The following MEF2C variants were observed in gnomAD, a reference collection of about 807,000 sequenced individuals.
The protein encoded by MEF2C is myocyte enhancer factor 2C.
MEF2C carries 6 observed loss-of-function variants against 50.5 expected under a neutral mutation model. The observed-to-expected ratio is 0.12, with a 90% CI of 0.07 to 0.23. The LOEUF is 0.23. Among genes scored for constraint, MEF2C ranks in the 10% least tolerant of loss-of-function variants. MEF2C has a pLI of 1.00. For synonymous variants in MEF2C, 183 were observed against 228.0 expected (o/e 0.80, Z 1.78); for missense variants, 276 against 605.0 (o/e 0.46, Z 5.70).
At chr5:88,870,125 A>G (rs1167783928) in intron 1 of MEF2C, among the ~76,000 whole-genome samples, 2 of 152,030 alleles carry the variant, frequency 1.3e-5, no homozygotes, top group Non-Finnish European at 2.9e-5. Flanking sequence ...GAAATTTAAT[A>G]ATTTTATCTA....
upstream of MEF2C, chr5:88,888,113 T>C (rs998314538): frequency 4.6e-5 from 7 of 152,260 alleles, no homozygotes; most frequent in African/African-American, 1.7e-4. Context: ...TAAAATACTT[T>C]GGGATTAGTG....
In MEF2C at chr5:88,720,469, T is replaced by C. The variant is rs1395873405; in HGVS notation, c.*2135A>G. The C allele has an allele frequency of 1.3e-5, 2 of 152,488 alleles. No homozygotes were observed. The highest frequency in any genetic ancestry group is 4.8e-5 in the African/African-American group (2 of 41,412). The allele number at this position is 152,488 out of a possible 1,614,324, so 9.4% of individuals were successfully genotyped here. A position where few individuals can be genotyped will look rare whatever the true frequency, so the allele number is the denominator to read the frequency against. On this transcript the variant is annotated 3_prime_UTR_variant, in exon 11 of 11. Transcript: ENST00000504921. ...GAAAAATATAGCCTAGTTAATAAGG[T>C]CTCTTGGCTTCTGCCACCCAGCGGC...
intron 1 of MEF2C, among the ~76,000 whole-genome samples, chr5:88,865,012 C>T (rs745780591): frequency 6.6e-5 from 10 of 151,950 alleles, no homozygotes; most frequent in Non-Finnish European, 1.2e-4. Context: ...AGATGATCCA[C>T]CTGCCTCCGA....
At chr5:88,778,689 G>A (rs1226514912) in intron 3 of MEF2C, among the ~76,000 whole-genome samples, 1 of 151,996 alleles carries the variant, frequency 6.6e-6, no homozygotes, top group Non-Finnish European at 1.5e-5. Context: ...TTACTTTATA[G>A]GCCAGATGAG....
chr5:88,884,181 C>T (rs878918748), upstream of MEF2C: 2 of 152,240 alleles, frequency 1.3e-5, no homozygotes, highest in South Asian at 4.1e-4. Flanking sequence ...GCGAGCCAGC[C>T]AGCAGGAAAG....
chr5:88,827,490 T>C (rs140617594), intron 1 of MEF2C, among the ~76,000 whole-genome samples: 3 of 152,102 alleles, frequency 2.0e-5, no homozygotes, highest in Admixed American at 2.0e-4. Flanking sequence ...TGTGCTGTGC[T>C]GCACACCCCA....
At chr5:88,832,307 A>T (rs1813369793) in intron 1 of MEF2C, among the ~76,000 whole-genome samples, 1 of 152,132 alleles carries the variant, frequency 6.6e-6, no homozygotes, top group South Asian at 2.1e-4. Context: ...TGATCTTTTA[A>T]TAGAAATTCT....
chr5:88,852,091 A>G (rs1821573015), intron 1 of MEF2C, among the ~76,000 whole-genome samples: 1 of 152,186 alleles, frequency 6.6e-6, no homozygotes, highest in Non-Finnish European at 1.5e-5. Context: ...ACAAAAAATA[A>G]CTTACTGCTA....
intron 1 of MEF2C, among the ~76,000 whole-genome samples, chr5:88,849,753 A>G (rs1185244546): frequency 3.3e-5 from 5 of 152,154 alleles, no homozygotes; most frequent in Non-Finnish European, 7.4e-5. Flanking sequence ...AACCATTAAC[A>G]TTTCACTCCA....
At chr5:88,744,879 G>A (rs773832175) in intron 6 of MEF2C, among the ~76,000 whole-genome samples, 4 of 152,152 alleles carry the variant, frequency 2.6e-5, no homozygotes, top group Non-Finnish European at 5.9e-5. Flanking sequence ...ACTACTATAT[G>A]TCAGCTCTTC....
intron 3 of MEF2C, among the ~76,000 whole-genome samples, chr5:88,802,606 C>T (rs1233498440): frequency 3.3e-5 from 5 of 152,120 alleles, no homozygotes; most frequent in Non-Finnish European, 7.4e-5. Flanking sequence ...GCCACCATGC[C>T]TGGCTAATTT....
intron 2 of MEF2C, among the ~76,000 whole-genome samples, chr5:88,813,154 C>T (rs1803615896): frequency 6.6e-6 from 1 of 152,128 alleles, no homozygotes; most frequent in Admixed American, 6.6e-5. Context: ...GCCATTCCCA[C>T]TACAGCCACT....
chr5:88,744,155 C>T, intron 6 of MEF2C: 2 of 984,780 alleles, frequency 2.0e-6, no homozygotes, highest in Non-Finnish European at 1.2e-6. Context: ...AATAATCCAA[C>T]ACAAGGCATT....
At chr5:88,747,616 T>C (rs561739472) in intron 6 of MEF2C, among the ~76,000 whole-genome samples, 1 of 25,124 alleles carries the variant, frequency 4.0e-5, no homozygotes, top group East Asian at 1.4e-3. Context: ...CCCAAAGTGC[T>C]GGGATTACAG....
At chr5:88,806,364 A>T (rs1800441866) in intron 2 of MEF2C, among the ~76,000 whole-genome samples, 1 of 152,038 alleles carries the variant, frequency 6.6e-6, no homozygotes, top group Non-Finnish European at 1.5e-5. Context: ...CTCCAGTTCC[A>T]CACCTGTCTA....
chr5:88,840,115 C>T (rs558225208), intron 1 of MEF2C, among the ~76,000 whole-genome samples: 1 of 152,242 alleles, frequency 6.6e-6, no homozygotes, highest in East Asian at 1.9e-4. Context: ...AATTATTTCA[C>T]AAAGATTCCA....
At chr5:88,820,501 A>ATATAT (rs1430653901) in intron 2 of MEF2C, among the ~76,000 whole-genome samples, 8 of 152,046 alleles carry the variant, frequency 5.3e-5, no homozygotes, top group Admixed American at 2.0e-4. Context: ...ACAACTTATA[A>ATATAT]CATCAGTGCT....
intron 4 of MEF2C, among the ~76,000 whole-genome samples, chr5:88,759,292 G>A (rs1357202618): frequency 6.6e-6 from 1 of 152,206 alleles, no homozygotes; most frequent in African/African-American, 2.4e-5. Context: ...AGACCAGCCT[G>A]ACCAACATGG....
intron 1 of MEF2C, among the ~76,000 whole-genome samples, chr5:88,846,383 C>T (rs1342453849): frequency 1.3e-5 from 2 of 151,916 alleles, no homozygotes; most frequent in East Asian, 1.9e-4. Flanking sequence ...CAACACTTTA[C>T]GAAAGTGCTA....
Sources: allele counts gnomAD v4.1 joint callset (sites outside exome capture counted in the v4.1 genomes callset), GRCh38; gene constraint gnomAD v4.1.1; transcripts MANE v1.5; gene names NCBI Gene and HGNC (gene_info 2026-07-23, HGNC 2026-07-21).